Variants in ZNF407 observed in about 807,000 individuals in gnomAD.
ZNF407 encodes zinc finger protein 407.
Under a neutral mutation model 131.2 loss-of-function variants are expected in ZNF407, and 17 were observed. The ratio of observed to expected loss-of-function variants is 0.13; its 90% CI spans 0.09 to 0.19. The LOEUF (loss-of-function observed/expected upper bound fraction) is 0.19, where lower values mean the gene tolerates loss of function less well. ZNF407 is among the 10% of genes least tolerant of loss of function. ZNF407 has a pLI of 1.00. For synonymous variants in ZNF407, 1,156 were observed against 1,062.0 expected (o/e 1.09, Z -1.72); for missense variants, 2,681 against 2,830.6 (o/e 0.95, Z 1.20).
intron 7 of ZNF407, among the ~76,000 whole-genome samples, chr18:74,893,628 G>T (rs1031313464): frequency 6.6e-6 from 1 of 152,112 alleles, no homozygotes; most frequent in Non-Finnish European, 1.5e-5. Flanking sequence ...TGTTGCGTAC[G>T]ATAGTAGGAA....
chr18:74,626,016 GT>G (rs1224367104), intron 1 of ZNF407, among the ~76,000 whole-genome samples: 1 of 152,214 alleles, frequency 6.6e-6, no homozygotes, highest in African/African-American at 2.4e-5. Flanking sequence ...GGGAGGAAAT[GT>G]TGGTTAAACA....
At chr18:74,881,215 A>G (rs1329521047) in intron 6 of ZNF407, 96 bp downstream of exon 6, 1 of 1,143,608 alleles carries the variant, frequency 8.7e-7, no homozygotes, top group South Asian at 1.5e-5. Flanking sequence ...TTCCTTTTTA[A>G]TTTTTATAAC....
chr18:74,970,680 C>T (rs1386699376), intron 8 of ZNF407, among the ~76,000 whole-genome samples: 1 of 152,228 alleles, frequency 6.6e-6, no homozygotes, highest in Non-Finnish European at 1.5e-5. Context: ...TAGCCCCCCT[C>T]CTGGCTGCTT....
chr18:74,751,361 C>CT (rs1232053682), intron 3 of ZNF407, among the ~76,000 whole-genome samples: 4 of 151,874 alleles, frequency 2.6e-5, no homozygotes, highest in Middle Eastern at 3.4e-3. Flanking sequence ...AAAGTCTATT[C>CT]TTTTTTTTAA....
chr18:74,934,623 T>C (rs1241451318), intron 8 of ZNF407, among the ~76,000 whole-genome samples: 3 of 152,168 alleles, frequency 2.0e-5, no homozygotes, highest in African/African-American at 7.2e-5. Flanking sequence ...ATGGCCAACA[T>C]GGCAAAACCC....
At chr18:74,798,692 G>T (rs1969966716) in intron 4 of ZNF407, among the ~76,000 whole-genome samples, 2 of 152,070 alleles carry the variant, frequency 1.3e-5, no homozygotes, top group African/African-American at 4.8e-5. Flanking sequence ...TTTAGTGATA[G>T]GTTGAGTAGT....
At chr18:74,848,869 T>G (rs773024091) in intron 4 of ZNF407, among the ~76,000 whole-genome samples, 1 of 152,228 alleles carries the variant, frequency 6.6e-6, no homozygotes, top group Admixed American at 6.5e-5. Context: ...TTCTAAACCA[T>G]CCTGAGCCTT....
intron 3 of ZNF407, among the ~76,000 whole-genome samples, chr18:74,713,909 C>T (rs570663537): frequency 1.2e-3 from 176 of 152,214 alleles, no homozygotes; most frequent in African/African-American, 3.9e-3. Flanking sequence ...GCAGAACTAA[C>T]AGTAGTGATT....
intron 3 of ZNF407, among the ~76,000 whole-genome samples, chr18:74,764,922 A>G (rs553861238): frequency 2.6e-5 from 4 of 152,210 alleles, no homozygotes; most frequent in African/African-American, 9.7e-5. Context: ...GAATCCTTAT[A>G]AAAGTCTTCA....
At chr18:75,053,608 T>C (rs1467755545) in intron 8 of ZNF407, among the ~76,000 whole-genome samples, 1 of 152,240 alleles carries the variant, frequency 6.6e-6, no homozygotes, top group African/African-American at 2.4e-5. Flanking sequence ...AAGCCACAGA[T>C]ACTCTGCAAC....
intron 8 of ZNF407, among the ~76,000 whole-genome samples, chr18:74,932,202 C>A (rs1599250959): frequency 6.6e-6 from 1 of 152,146 alleles, no homozygotes; most frequent in Non-Finnish European, 1.5e-5. Context: ...CACTTTGAGT[C>A]ATATTTTGTA....
At chr18:74,860,512 T>TATTATG (rs3031574) in intron 4 of ZNF407, among the ~76,000 whole-genome samples, 5 of 150,196 alleles carry the variant, frequency 3.3e-5, no homozygotes, top group Non-Finnish European at 5.9e-5. Flanking sequence ...TTATTATTAT[T>TATTATG]ATGTCTTAGA....
rs557737379 is a variant in ZNF407, at chr18:74,744,358, A to G, written c.4803-37070A>G. ...TTTGACCTGACTCATGGCCTAGTCAACTTTTCTTTGTGCTAGCCTGGGTTT... is the reference window on the plus strand; with the variant it reads ...TTTGACCTGACTCATGGCCTAGTCAGCTTTTCTTTGTGCTAGCCTGGGTTT... On this transcript the variant is annotated intron_variant, in intron 3 of 8. Transcript: ENST00000299687. 3.9e-5 allele frequency among the ~76,000 whole-genome samples: 6 copies of G among 152,238 alleles called. No individual in the cohort carries two copies. In the East Asian group the frequency reaches 1.2e-3, roughly 29 times the overall value.
At chr18:74,942,984 T>C (rs1330445791) in intron 8 of ZNF407, among the ~76,000 whole-genome samples, 31 of 152,082 alleles carry the variant, frequency 2.0e-4, no homozygotes, top group Admixed American at 2.0e-3. Flanking sequence ...TGGGACAATA[T>C]TGGCTCACTG....
intron 1 of ZNF407, among the ~76,000 whole-genome samples, chr18:74,601,874 T>C (rs898132756): frequency 2.6e-5 from 4 of 152,174 alleles, no homozygotes; most frequent in African/African-American, 9.7e-5. Context: ...TCAGTAAATA[T>C]TGTGGAATTT....
intron 8 of ZNF407, among the ~76,000 whole-genome samples, chr18:74,962,964 T>C (rs1307984986): frequency 6.6e-6 from 1 of 152,246 alleles, no homozygotes; most frequent in Non-Finnish European, 1.5e-5. Flanking sequence ...TGCCTATCAT[T>C]CTTGTATACA....
At chr18:74,774,718 G>A (rs1435186959) in intron 3 of ZNF407, among the ~76,000 whole-genome samples, 3 of 152,170 alleles carry the variant, frequency 2.0e-5, no homozygotes, top group Admixed American at 6.5e-5. Flanking sequence ...TGAAGGAGAC[G>A]TGACGAAACA....
rs774022160 is a variant in ZNF407, at chr18:75,064,380, C to T, written c.6659C>T (p.Ala2220Val). Residue 2220 changes from alanine (A) to valine (V), a missense_variant, in exon 9 of 9, where the codon GCC (alanine) becomes GTC (valine). Ala to Val is a moderately conservative substitution (Grantham distance 64, BLOSUM62 0). Coordinates refer to ENST00000299687, the MANE Select transcript of ZNF407 (RefSeq NM_017757.3). Reference sequence around the variant, plus strand: ...GCCCCAAGCAGGGCAGAGCAGCTGGCCAGCGTGGTCATCTACACCCAGGAG... The same window carrying T: ...GCCCCAAGCAGGGCAGAGCAGCTGGTCAGCGTGGTCATCTACACCCAGGAG... ...AGAPSRAEQL[A>V]SVVIYTQEGS... 2.5e-6 allele frequency: 4 copies of T among 1,570,652 alleles called. No homozygotes were observed. Among genetic ancestry groups the T allele is most frequent in the Non-Finnish European group, 3.5e-6 (4 of 1,158,252 alleles).
chr18:74,911,170 A>C (rs1203981373), intron 7 of ZNF407, among the ~76,000 whole-genome samples: 1 of 151,896 alleles, frequency 6.6e-6, no homozygotes, highest in Non-Finnish European at 1.5e-5. Context: ...TTTCTCTGCC[A>C]ATATGTCATA....
Sources: allele counts gnomAD v4.1 joint callset (sites outside exome capture counted in the v4.1 genomes callset), GRCh38; gene constraint gnomAD v4.1.1; transcripts MANE v1.5; gene names NCBI Gene and HGNC (gene_info 2026-07-23, HGNC 2026-07-21).